SYT16: variants seen among roughly 807,000 people sequenced by gnomAD.
The protein encoded by SYT16 is synaptotagmin-16.
SYT16 carries 42 observed loss-of-function variants against 61.4 expected under a neutral mutation model. The ratio of observed to expected loss-of-function variants is 0.68; its 90% CI spans 0.53 to 0.89. SYT16 has a LOEUF of 0.89. Ranked by LOEUF, SYT16 falls within the 40% of genes least tolerant of loss-of-function variation. The pLI is 0.00. For missense variants in SYT16, 804 were observed against 807.3 expected, an observed-to-expected ratio of 1.00 and a Z score of 0.05; for synonymous variants, 314 against 302.3, an observed-to-expected ratio of 1.04 and a Z score of -0.40.
chr14:61,822,210 A>G (rs1421048284), intron 1 of SYT16, among the ~76,000 whole-genome samples: 2 of 152,202 alleles, frequency 1.3e-5, no homozygotes, highest in Admixed American at 1.3e-4. Flanking sequence ...CAAGTCCAAC[A>G]ATCCAAAAGC....
At chr14:61,994,374 C>T (rs2052678529) in intron 2 of SYT16, among the ~76,000 whole-genome samples, 1 of 152,134 alleles carries the variant, frequency 6.6e-6, no homozygotes, top group Admixed American at 6.6e-5. Flanking sequence ...CAGACTAGGC[C>T]CTTTTCCTTC....
At chr14:62,059,350 A>G (rs1370298460) in intron 3 of SYT16, among the ~76,000 whole-genome samples, 1 of 152,158 alleles carries the variant, frequency 6.6e-6, no homozygotes, top group African/African-American at 2.4e-5. Flanking sequence ...CCATTTGTAC[A>G]CATTAATTTA....
intron 1 of SYT16, among the ~76,000 whole-genome samples, chr14:61,894,511 C>T (rs1297334492): frequency 2.0e-5 from 3 of 152,130 alleles, no homozygotes; most frequent in East Asian, 1.9e-4. Context: ...AATAATCCTG[C>T]TGCCAAGAAG....
At chr14:61,883,984 C>G (rs2047798050) in intron 1 of SYT16, among the ~76,000 whole-genome samples, 1 of 151,834 alleles carries the variant, frequency 6.6e-6, no homozygotes, top group African/African-American at 2.4e-5. Context: ...CTCCCATGAT[C>G]CGATTACCTC....
In SYT16 at chr14:62,107,227, A is replaced by G. The variant is rs982671616; in HGVS notation, c.*6520A>G. On this transcript the variant is annotated 3_prime_UTR_variant, in exon 8 of 8. Coordinates refer to ENST00000683842, the MANE Select transcript of SYT16 (RefSeq NM_001367656.1). ...GGTGGGAGAACAGCTTGCGTCCAGGATTTCTAGTCCAGCCTGGGCAACATA... is the reference window on the plus strand; with the variant it reads ...GGTGGGAGAACAGCTTGCGTCCAGGGTTTCTAGTCCAGCCTGGGCAACATA... 1 of 152,026 alleles carries G rather than the reference A, an allele frequency of 6.6e-6. No homozygotes were observed. Among genetic ancestry groups the G allele is most frequent in the Admixed American group, 6.6e-5 (1 of 15,242 alleles). The allele number at this position is 152,026 out of a possible 1,614,324, so 9.4% of individuals were successfully genotyped here.
intron 1 of SYT16, among the ~76,000 whole-genome samples, chr14:61,880,653 T>C (rs2047669383): frequency 6.6e-6 from 1 of 152,212 alleles, no homozygotes; most frequent in Non-Finnish European, 1.5e-5. Flanking sequence ...AATTTCACAA[T>C]TTTCTGCTTA....
intron 1 of SYT16, among the ~76,000 whole-genome samples, chr14:61,955,453 G>C (rs1595006228): frequency 6.6e-6 from 1 of 151,864 alleles, no homozygotes; most frequent in East Asian, 1.9e-4. Flanking sequence ...CCCATTTTCT[G>C]CTCCAGCCGC....
intron 2 of SYT16, among the ~76,000 whole-genome samples, chr14:61,973,356 A>G (rs1038574775): frequency 6.6e-6 from 1 of 152,200 alleles, no homozygotes; most frequent in Admixed American, 6.5e-5. Context: ...GATAATGATC[A>G]TTGGTAACTA....
intron 1 of SYT16, among the ~76,000 whole-genome samples, chr14:61,955,997 G>T (rs2050859351): frequency 6.6e-6 from 1 of 151,432 alleles, no homozygotes; most frequent in Non-Finnish European, 1.5e-5. Flanking sequence ...TTTCATAATG[G>T]TCATTCTAAC....
chr14:61,911,015 C>A (rs1004620138), intron 1 of SYT16, among the ~76,000 whole-genome samples: 1 of 152,214 alleles, frequency 6.6e-6, no homozygotes, highest in African/African-American at 2.4e-5. Context: ...CTGGCAACAG[C>A]ATGTGGTTTT....
intron 1 of SYT16, among the ~76,000 whole-genome samples, chr14:61,859,139 G>A (rs942592056): frequency 1.3e-5 from 2 of 151,996 alleles, no homozygotes; most frequent in Non-Finnish European, 2.9e-5. Context: ...GATTACAGGC[G>A]TGAGCCACCG....
At chr14:62,018,942 T>G (rs1242232707) in intron 3 of SYT16, among the ~76,000 whole-genome samples, 2 of 152,234 alleles carry the variant, frequency 1.3e-5, no homozygotes. Context: ...TGCGCTTGCC[T>G]CATGGTGGTA....
At chr14:61,841,765 A>G (rs1025494019) in intron 1 of SYT16, among the ~76,000 whole-genome samples, 1 of 152,084 alleles carries the variant, frequency 6.6e-6, no homozygotes, top group Non-Finnish European at 1.5e-5. Context: ...AGAACATGCA[A>G]TGTTTGATTT....
At chr14:62,086,250 G>A (rs1246579945) in intron 7 of SYT16, among the ~76,000 whole-genome samples, 5 of 152,086 alleles carry the variant, frequency 3.3e-5, no homozygotes, top group Non-Finnish European at 7.4e-5. Flanking sequence ...AGGCCGAGGT[G>A]AATGGATCAC....
intron 1 of SYT16, among the ~76,000 whole-genome samples, chr14:61,851,633 G>A (rs2046623986): frequency 6.6e-6 from 1 of 152,168 alleles, no homozygotes; most frequent in African/African-American, 2.4e-5. Context: ...TCTCACTGTG[G>A]TTTTGATTTG....
At chr14:61,948,570 A>G (rs1261558820) in intron 1 of SYT16, among the ~76,000 whole-genome samples, 1 of 152,194 alleles carries the variant, frequency 6.6e-6, no homozygotes, top group Non-Finnish European at 1.5e-5. Flanking sequence ...GGACTTTTGA[A>G]GAGGAGAGCG....
intron 2 of SYT16, among the ~76,000 whole-genome samples, chr14:61,991,837 G>C (rs193279225): frequency 2.8e-4 from 42 of 152,312 alleles, no homozygotes; most frequent in Admixed American, 2.3e-3. Flanking sequence ...TTGGATTTAA[G>C]AGCAGAAAGG....
intron 1 of SYT16, among the ~76,000 whole-genome samples, chr14:61,903,239 A>G (rs2048583548): frequency 6.6e-6 from 1 of 151,962 alleles, no homozygotes; most frequent in Non-Finnish European, 1.5e-5. Context: ...TTTTGAGTTA[A>G]TGGGGGATTA....
chr14:62,044,946 T>C (rs1272643982), intron 3 of SYT16, among the ~76,000 whole-genome samples: 1 of 152,164 alleles, frequency 6.6e-6, no homozygotes, highest in East Asian at 1.9e-4. Flanking sequence ...GAGACCAGCC[T>C]GGCCAACGTG....
Sources: gnomAD v4.1 joint callset for allele counts (sites outside exome capture counted in the v4.1 genomes callset) on GRCh38, gnomAD v4.1.1 for gene constraint, MANE v1.5 for transcripts, NCBI Gene and HGNC (gene_info 2026-07-23, HGNC 2026-07-21) for gene names.